GNAQ: variants seen among roughly 807,000 people sequenced by gnomAD.
GNAQ encodes the protein guanine nucleotide-binding protein G(q) subunit alpha.
A neutral mutation model predicts 43.9 loss-of-function variants in GNAQ; 8 were observed. That is an observed-to-expected ratio of 0.18 (90% confidence interval 0.11 to 0.33). The LOEUF (loss-of-function observed/expected upper bound fraction) is 0.33. GNAQ is among the 10% of genes least tolerant of loss of function. The pLI is 1.00. For missense variants in GNAQ, 158 were observed against 450.8 expected, an observed-to-expected ratio of 0.35 and a Z score of 5.88; for synonymous variants, 155 against 170.7, an observed-to-expected ratio of 0.91 and a Z score of 0.71.
At chr9:78,005,062 C>G (rs1823689290) in intron 1 of GNAQ, among the ~76,000 whole-genome samples, 1 of 152,056 alleles carries the variant, frequency 6.6e-6, no homozygotes, top group Non-Finnish European at 1.5e-5. Context: ...CAATTTTTCT[C>G]TTTTTCTGAG....
chr9:77,942,780 G>C (rs979788970), intron 1 of GNAQ, among the ~76,000 whole-genome samples: 74 of 152,146 alleles, frequency 4.9e-4, no homozygotes, highest in African/African-American at 1.7e-3. Context: ...AAAGACACTT[G>C]AAATCTACCA....
intron 1 of GNAQ, among the ~76,000 whole-genome samples, chr9:78,012,140 T>C (rs1416464545): frequency 6.6e-6 from 1 of 152,020 alleles, no homozygotes; most frequent in Non-Finnish European, 1.5e-5. Flanking sequence ...AAAAATCTAC[T>C]ACGTGGCAAG....
intron 2 of GNAQ, among the ~76,000 whole-genome samples, chr9:77,905,175 C>T (rs1418307680): frequency 6.6e-6 from 1 of 152,172 alleles, no homozygotes; most frequent in Non-Finnish European, 1.5e-5. Flanking sequence ...GAACTTGGAA[C>T]ATCGCTGAGT....
intron 2 of GNAQ, among the ~76,000 whole-genome samples, chr9:77,840,935 G>A (rs1022892291): frequency 6.6e-6 from 1 of 152,032 alleles, no homozygotes; most frequent in East Asian, 1.9e-4. Context: ...AAAGCAGACC[G>A]ATAGGCCACT....
intron 1 of GNAQ, among the ~76,000 whole-genome samples, chr9:78,000,003 T>C (rs1823623615): frequency 6.6e-6 from 1 of 152,178 alleles, no homozygotes; most frequent in Non-Finnish European, 1.5e-5. Flanking sequence ...AATATGAAGT[T>C]AATATGCTTA....
chr9:77,736,131 G>C (rs1825573924), intron 5 of GNAQ, among the ~76,000 whole-genome samples: 1 of 152,160 alleles, frequency 6.6e-6, no homozygotes, highest in African/African-American at 2.4e-5. Flanking sequence ...TCAAATCCAG[G>C]CACATCTGAT....
In GNAQ at chr9:77,801,549, GTTTTTGCTTGCCATTC is replaced by G; in HGVS notation, c.477-3917_477-3902del. Among the ~76,000 whole-genome samples, 4 of 152,296 alleles carry G rather than the reference GTTTTTGCTTGCCATTC, an allele frequency of 2.6e-5. 1 individual carries two copies. The South Asian group carries it at 8.3e-4, about 32-fold the overall frequency. ...CTGGTTAACTTAAAAGGAAGCTGCA[GTTTTTGCTTGCCATTC>G]TTTTTGCTTTGCCTCAGTTGAATAA... On this transcript the variant is annotated intron_variant, in intron 3 of 6. Coordinates refer to ENST00000286548, the MANE Select transcript of GNAQ (RefSeq NM_002072.5).
At chr9:77,984,928 G>C (rs1222934537) in intron 1 of GNAQ, among the ~76,000 whole-genome samples, 1 of 152,104 alleles carries the variant, frequency 6.6e-6, no homozygotes, top group Non-Finnish European at 1.5e-5. Context: ...AAATCAAAAT[G>C]GACTACCATT....
intron 5 of GNAQ, among the ~76,000 whole-genome samples, chr9:77,759,747 TTC>T (rs1389703667): frequency 1.3e-5 from 2 of 152,150 alleles, no homozygotes; most frequent in Admixed American, 1.3e-4. Context: ...GGAAAAGGTG[TTC>T]TAGCCAGTGA....
chr9:77,945,399 A>G (rs577672788), intron 1 of GNAQ, among the ~76,000 whole-genome samples: 10 of 152,328 alleles, frequency 6.6e-5, no homozygotes, highest in Non-Finnish European at 1.2e-4. Flanking sequence ...CCACTAAACT[A>G]AATGTACTGC....
chr9:77,809,758 G>A (rs1297441168), intron 3 of GNAQ, among the ~76,000 whole-genome samples: 2 of 152,132 alleles, frequency 1.3e-5, no homozygotes, highest in Non-Finnish European at 2.9e-5. Flanking sequence ...TACTTACTAT[G>A]ATAGGCAAGT....
At chr9:77,763,155 A>G (rs1280630582) in intron 5 of GNAQ, among the ~76,000 whole-genome samples, 1 of 148,200 alleles carries the variant, frequency 6.7e-6, no homozygotes, top group South Asian at 2.2e-4. Context: ...AAAAAAAAAA[A>G]CAAAGGAAAA....
intron 1 of GNAQ, among the ~76,000 whole-genome samples, chr9:77,940,811 C>A (rs185212806): frequency 1.1e-3 from 166 of 151,806 alleles, no homozygotes; most frequent in African/African-American, 3.8e-3. Flanking sequence ...ACTAAAAATA[C>A]AAAAAATTAG....
chr9:77,758,676 GCACATGTATTGCCT>G (rs1825941222), intron 5 of GNAQ, among the ~76,000 whole-genome samples: 1 of 152,004 alleles, frequency 6.6e-6, no homozygotes, highest in African/African-American at 2.4e-5. Context: ...ATAAATGGTA[GCACATGTATTGCCT>G]ATACTTTGCT....
intron 2 of GNAQ, among the ~76,000 whole-genome samples, chr9:77,870,681 T>C (rs1317729453): frequency 6.6e-6 from 1 of 152,070 alleles, no homozygotes; most frequent in Non-Finnish European, 1.5e-5. Flanking sequence ...CACATTCTTC[T>C]TGAGATAAAT....
chr9:77,802,715 T>C (rs1049813595), intron 3 of GNAQ, among the ~76,000 whole-genome samples: 4 of 152,122 alleles, frequency 2.6e-5, no homozygotes, highest in African/African-American at 9.7e-5. Flanking sequence ...AGGCAATGTA[T>C]GTGTAACAAG....
intron 2 of GNAQ, among the ~76,000 whole-genome samples, chr9:77,894,385 GA>G (rs369557888): frequency 0.18 from 315 of 1,756 alleles, 6 homozygotes; most frequent in East Asian, 0.27. Flanking sequence ...ATATTTAATA[GA>G]AAAAAAATAT....
At chr9:78,007,877 T>C (rs1460725580) in intron 1 of GNAQ, among the ~76,000 whole-genome samples, 3 of 152,210 alleles carry the variant, frequency 2.0e-5, no homozygotes, top group Admixed American at 6.5e-5. Flanking sequence ...TAACCTTAAC[T>C]AGATTTAAGA....
rs368738139 is a variant in GNAQ at position 77,887,452 on chromosome 9, C to CTAAT, written c.321+34708_321+34709insATTA. Among the ~76,000 whole-genome samples the CTAAT allele has an allele frequency of 1.3e-3, 192 of 152,320 alleles. 2 individuals are homozygous for CTAAT. The highest frequency in any genetic ancestry group is 4.4e-3 in the African/African-American group (182 of 41,576). ...ATAGTTTTTAGGGCCAAGCCCCAGCCTATTAGGCTTGCTTTACTATTTGCT... is the reference window on the plus strand; with the variant it reads ...ATAGTTTTTAGGGCCAAGCCCCAGCCTAATTATTAGGCTTGCTTTACTATTTGCT... On this transcript the variant is annotated intron_variant, in intron 2 of 6. Transcript: ENST00000286548.
Sources: gnomAD v4.1 joint callset for allele counts (sites outside exome capture counted in the v4.1 genomes callset) on GRCh38, gnomAD v4.1.1 for gene constraint, MANE v1.5 for transcripts, NCBI Gene and HGNC (gene_info 2026-07-23, HGNC 2026-07-21) for gene names.